RALGAPB: variants seen among roughly 807,000 people sequenced by gnomAD.
The protein encoded by RALGAPB is ral GTPase-activating protein subunit beta.
RALGAPB carries 25 observed loss-of-function variants against 161.1 expected under a neutral mutation model. The observed-to-expected ratio is 0.16, with a 90% CI of 0.11 to 0.22. The LOEUF (loss-of-function observed/expected upper bound fraction) is 0.22, where lower values mean the gene tolerates loss of function less well. RALGAPB is among the 10% of genes least tolerant of loss of function. The pLI is 1.00. For missense variants in RALGAPB, 1,391 were observed against 1,815.2 expected, an observed-to-expected ratio of 0.77 and a Z score of 4.25; for synonymous variants, 629 against 626.1, an observed-to-expected ratio of 1.00 and a Z score of -0.07.
intron 22 of RALGAPB, among the ~76,000 whole-genome samples, chr20:38,556,941 C>G (rs2087605528): frequency 6.6e-6 from 1 of 152,138 alleles, no homozygotes; most frequent in Middle Eastern, 3.2e-3. Context: ...TGTGAATACA[C>G]TTATGTTTGA....
chr20:38,534,729 A>G (rs73294722), intron 15 of RALGAPB, among the ~76,000 whole-genome samples: 6,019 of 152,316 alleles, frequency 0.04, 191 homozygotes, highest in African/African-American at 0.093. Context: ...GAAATAATTG[A>G]TAGCCTTTTC....
At chr20:38,565,876 G>T (rs1054126911) in intron 25 of RALGAPB, among the ~76,000 whole-genome samples, 1 of 152,144 alleles carries the variant, frequency 6.6e-6, no homozygotes, top group African/African-American at 2.4e-5. Context: ...AGTATCTCAT[G>T]ATAGCATATG....
At position 38,529,118 on chromosome 20, in the gene RALGAPB, TAA is replaced by T. The variant is rs762549764; in HGVS notation, c.2051-2045_2051-2044del. On this transcript the variant is annotated intron_variant, in intron 13 of 29. Coordinates refer to ENST00000262879, the MANE Select transcript of RALGAPB (RefSeq NM_020336.4). ...ATCCACATATAACTTTTTGATTCCC[TAA>T]AAACTTAACTACTGATAGCCTACTG... 1.5e-4 allele frequency among the ~76,000 whole-genome samples: 23 copies of T among 152,200 alleles called. 1 individual carries two copies. Among genetic ancestry groups the T allele is most frequent in the Non-Finnish European group, 2.9e-4 (20 of 68,028 alleles).
chr20:38,497,729 G>A (rs1490714374), intron 4 of RALGAPB, among the ~76,000 whole-genome samples: 1 of 152,136 alleles, frequency 6.6e-6, no homozygotes, highest in African/African-American at 2.4e-5. Context: ...TGCTAATGTA[G>A]GGAGGGACTC....
chr20:38,488,753 T>C (rs991987860), intron 2 of RALGAPB, 135 bp downstream of exon 2: 1 of 839,150 alleles, frequency 1.2e-6, no homozygotes. Context: ...TTTAATGGAT[T>C]TCTCCCCAAC....
At chr20:38,490,879 A>T (rs2085259599) in intron 2 of RALGAPB, among the ~76,000 whole-genome samples, 1 of 152,192 alleles carries the variant, frequency 6.6e-6, no homozygotes, top group Admixed American at 6.5e-5. Flanking sequence ...TCCTGATCTC[A>T]GATGATCCAC....
At chr20:38,482,296 G>A (rs1450169017) in intron 1 of RALGAPB, among the ~76,000 whole-genome samples, 4 of 151,984 alleles carry the variant, frequency 2.6e-5, no homozygotes, top group Non-Finnish European at 4.4e-5. Flanking sequence ...GCTGTCTCAG[G>A]GATGGCAGAA....
In RALGAPB at chr20:38,493,756, G is replaced by A. The variant is rs529814809; in HGVS notation, c.389+624G>A. On this transcript the variant is annotated intron_variant, in intron 3 of 29. Coordinates refer to ENST00000262879, the MANE Select transcript of RALGAPB (RefSeq NM_020336.4). ...GTAAGTTTTTAACTTTCTAAATATA[G>A]AAGGGAGATTACTTTGGAAAATCTG... Among the ~76,000 whole-genome samples, 10 of 152,326 alleles carry A rather than the reference G, an allele frequency of 6.6e-5. No individual in the cohort carries two copies. The South Asian group carries it at 2.1e-3, about 32-fold the overall frequency.
chr20:38,497,643 A>G (rs2085466428), intron 4 of RALGAPB, 127 bp downstream of exon 4: 1 of 1,012,116 alleles, frequency 9.9e-7, no homozygotes, highest in South Asian at 1.7e-5. Context: ...AAAGGTTAAC[A>G]GTTCTTAGAA....
At chr20:38,569,858 C>T (rs1474014144) in intron 26 of RALGAPB, 30 bp from the exon 27 acceptor site, 2 of 1,569,914 alleles carry the variant, frequency 1.3e-6, no homozygotes, top group African/African-American at 1.4e-5. Flanking sequence ...GTTGTTTTTC[C>T]CGCTCTCTGT....
chr20:38,531,518 G>A (rs1389537090), intron 14 of RALGAPB, among the ~76,000 whole-genome samples: 5 of 152,140 alleles, frequency 3.3e-5, no homozygotes, highest in Non-Finnish European at 4.4e-5. Context: ...TTGTTTTGCT[G>A]TGGTGGCAAA....
chr20:38,548,547 C>A, intron 19 of RALGAPB, 142 bp from the exon 20 acceptor site: 1 of 664,964 alleles, frequency 1.5e-6, no homozygotes. Flanking sequence ...ACGGCAGAAA[C>A]CACAGAAGTG....
At chr20:38,547,782 C>T (rs1398241338) in intron 19 of RALGAPB, 3 of 152,188 alleles carry the variant, frequency 2.0e-5, no homozygotes, top group African/African-American at 4.8e-5. Flanking sequence ...GGCATCTCAT[C>T]CTTCTCTACC....
At chr20:38,493,536 T>G (rs1236471405) in intron 3 of RALGAPB, among the ~76,000 whole-genome samples, 2 of 152,232 alleles carry the variant, frequency 1.3e-5, no homozygotes, top group Admixed American at 1.3e-4. Flanking sequence ...GAAATGATTA[T>G]GGGCAAATTG....
chr20:38,575,187 A>C lies in RALGAPB; in HGVS notation c.*220A>C. 2.1e-6 allele frequency: 1 copy of C among 485,784 alleles called. No individual in the cohort carries two copies. Among genetic ancestry groups the C allele is most frequent in the South Asian group, 3.3e-5 (1 of 30,202 alleles). The allele number at this position is 485,784 out of a possible 1,614,324, so 30.1% of individuals were successfully genotyped here. A position where few individuals can be genotyped will look rare whatever the true frequency, so the allele number is the denominator to read the frequency against. On this transcript the variant is annotated 3_prime_UTR_variant, in exon 30 of 30. Transcript: ENST00000262879. ...CACAATCACACTCCTGCTGATAATG[A>C]TGATATACATTTTAGCCATAAACTT... is the stretch of plus-strand genomic sequence containing the variant.
Position 38,493,190 on chromosome 20 carries a change from C to G in RALGAPB, c.389+58C>G, listed in dbSNP as rs962013224. On this transcript the variant is annotated intron_variant, in intron 3 of 29. Coordinates refer to ENST00000262879, the MANE Select transcript of RALGAPB (RefSeq NM_020336.4). ...AGGGTCATAGTAAAATATTCATAAA[C>G]GTTACTATAGTATAGGAGCTGATTT... 2.9e-6 allele frequency: 4 copies of G among 1,381,318 alleles called. No individual in the cohort carries two copies. The East Asian group carries it at 9.2e-5, about 32-fold the overall frequency. The allele number at this position is 1,381,318 out of a possible 1,614,324, so 85.6% of individuals were successfully genotyped here.
chr20:38,505,950 G>A (rs1269786939), intron 5 of RALGAPB, among the ~76,000 whole-genome samples: 1 of 152,088 alleles, frequency 6.6e-6, no homozygotes, highest in Non-Finnish European at 1.5e-5. Context: ...AGGTACAATT[G>A]ACCCTCTGTG....
rs185968608 is a variant in RALGAPB, at chr20:38,512,784, G to T, written c.873-3408G>T. Among the ~76,000 whole-genome samples, 368 of 152,108 alleles carry T rather than the reference G, an allele frequency of 2.4e-3. 4 individuals carry two copies. Among genetic ancestry groups the T allele is most frequent in the African/African-American group, 8.5e-3 (354 of 41,516 alleles). On this transcript the variant is annotated intron_variant, in intron 6 of 29. Transcript: ENST00000262879. Reference sequence around the variant, plus strand: ...TTTTATTTATTTATTTTTTGAGATGGAGTCTCGCTCTGTCACCCAGGCTGG... The same window carrying T: ...TTTTATTTATTTATTTTTTGAGATGTAGTCTCGCTCTGTCACCCAGGCTGG...
Position 38,517,822 on chromosome 20 carries a change from G to A in RALGAPB, c.1239G>A (p.Thr413=), listed in dbSNP as rs201045634. Residue 413 remains threonine, a synonymous_variant, in exon 9 of 30, where the codon ACG becomes ACA. Coordinates refer to ENST00000262879, the MANE Select transcript of RALGAPB (RefSeq NM_020336.4). ...ATGCCTCTAAAGTTCAGCACCAGAC[G>A]TCCTCCACCTCTCCTCTGTCAAGTC... ...TAHASKVQHQ[T]SSTSPLSSPN... The A allele has an allele frequency of 2.0e-5, 32 of 1,613,844 alleles. No homozygotes were observed. Among genetic ancestry groups the A allele is most frequent in the South Asian group, 7.7e-5 (7 of 91,062 alleles).
Sources: gnomAD v4.1 joint callset for allele counts (sites outside exome capture counted in the v4.1 genomes callset) on GRCh38, gnomAD v4.1.1 for gene constraint, MANE v1.5 for transcripts, NCBI Gene and HGNC (gene_info 2026-07-23, HGNC 2026-07-21) for gene names.